The following PRR14L variants were observed in gnomAD, a reference collection of about 807,000 sequenced individuals.
The protein encoded by PRR14L is protein PRR14L.
Under a neutral mutation model 155.0 loss-of-function variants are expected in PRR14L, and 80 were observed. The ratio of observed to expected loss-of-function variants is 0.52; its 90% CI spans 0.43 to 0.62. The LOEUF is 0.62. Ranked by LOEUF, PRR14L falls within the 20% of genes least tolerant of loss-of-function variation. The pLI, the probability that PRR14L is intolerant of heterozygous loss-of-function variation, is 0.00. For synonymous variants in PRR14L, 883 were observed against 916.0 expected, an observed-to-expected ratio of 0.96 and a Z score of 0.65; for missense variants, 2,469 against 2,548.0, an observed-to-expected ratio of 0.97 and a Z score of 0.67.
chr22:31,726,447 A>G (rs2147870205), intron 2 of PRR14L, among the ~76,000 whole-genome samples: 1 of 152,032 alleles, frequency 6.6e-6, no homozygotes, highest in South Asian at 2.1e-4. Context: ...TTGTATTTTT[A>G]GTAGAGACAG....
chr22:31,693,038 C>A (rs1165593044), intron 7 of PRR14L, among the ~76,000 whole-genome samples: 1 of 152,164 alleles, frequency 6.6e-6, no homozygotes, highest in African/African-American at 2.4e-5. Context: ...CCTACCCTCA[C>A]ACATGGACAG....
At position 31,733,299 on chromosome 22, in the gene PRR14L, T is replaced by G. The variant is rs898547866; in HGVS notation, c.474+5088A>C. ...TGTGAGCCACCGCGCCTGGCCACTG[T>G]TTTTTTTTTTTTTTTTTTTTTTTGA... On this transcript the variant is annotated intron_variant, in intron 2 of 8. Coordinates refer to ENST00000327423, the MANE Select transcript of PRR14L (RefSeq NM_173566.3). Among the ~76,000 whole-genome samples the G allele has an allele frequency of 6.7e-4, 8 of 12,016 alleles. No homozygotes were observed. The African/African-American group carries it at 6.8e-3, about 10-fold the overall frequency. 7.9% of individuals were successfully genotyped at this position (12,016 alleles called of 152,430 possible).
intron 1 of PRR14L, among the ~76,000 whole-genome samples, chr22:31,741,993 G>C (rs947616686): frequency 2.6e-5 from 4 of 152,250 alleles, no homozygotes; most frequent in South Asian, 4.1e-4. Context: ...TTATGTATGT[G>C]TAAGGTGGGG....
At chr22:31,706,614 G>A (rs1427895182) in intron 4 of PRR14L, among the ~76,000 whole-genome samples, 1 of 151,926 alleles carries the variant, frequency 6.6e-6, no homozygotes, top group Non-Finnish European at 1.5e-5. Flanking sequence ...AGTAGACACG[G>A]GGTTTCACCA....
intron 2 of PRR14L, among the ~76,000 whole-genome samples, chr22:31,734,229 C>A (rs1013244651): frequency 6.6e-6 from 1 of 152,180 alleles, no homozygotes; most frequent in Non-Finnish European, 1.5e-5. Flanking sequence ...CCTCAGCCTC[C>A]CAAAGTGCTG....
rs939243135 is a variant in PRR14L, at chr22:31,681,995, C to G, written c.*3532G>C. ...GAAAGCACCAACTGCATACTCCCCC[C>G]ACCCCAGGGAATGGGAGAAAAGTAT... On this transcript the variant is annotated 3_prime_UTR_variant, in exon 9 of 9. Transcript: ENST00000327423. 7 of 152,240 alleles carry G rather than the reference C, an allele frequency of 4.6e-5. No individual in the cohort carries two copies. The highest frequency in any genetic ancestry group is 1.9e-4 in the East Asian group (1 of 5,204). 9.4% of individuals were successfully genotyped at this position (152,240 alleles called of 1,614,324 possible).
At chr22:31,698,649 G>C (rs1265026830) in intron 7 of PRR14L, among the ~76,000 whole-genome samples, 1 of 151,964 alleles carries the variant, frequency 6.6e-6, no homozygotes, top group Non-Finnish European at 1.5e-5. Flanking sequence ...GGCTGGGCAC[G>C]GTGGGTCACG....
intron 1 of PRR14L, among the ~76,000 whole-genome samples, chr22:31,748,481 G>A (rs1196491560): frequency 6.6e-6 from 1 of 152,160 alleles, no homozygotes; most frequent in Non-Finnish European, 1.5e-5. Flanking sequence ...TACTGACAGA[G>A]GCTTCCTGTA....
chr22:31,713,723 G>A lies in PRR14L; in HGVS notation c.4116C>T (p.Ile1372=). 1.3e-6 allele frequency: 2 copies of A among 1,552,382 alleles called. No homozygotes were observed. The highest frequency in any genetic ancestry group is 8.7e-7 in the Non-Finnish European group (1 of 1,147,142). ...ETGDGDPVSN[I]SQTHFKCRGI... ...CCCGGCATTTAAAATGGGTCTGAGA[G>A]ATGTTGCTCACGGGATCGCCATCGC... is the stretch of plus-strand genomic sequence containing the variant. Residue 1372 remains isoleucine, a synonymous_variant, in exon 4 of 9, where the codon ATC becomes ATT. Transcript: ENST00000327423.
chr22:31,705,702 TA>T (rs1437166402), intron 4 of PRR14L, among the ~76,000 whole-genome samples: 1 of 151,672 alleles, frequency 6.6e-6, no homozygotes, highest in African/African-American at 2.4e-5. Context: ...AAGTTACACA[TA>T]AAACATAGCT....
chr22:31,718,235 C>A (rs944781056), intron 3 of PRR14L, among the ~76,000 whole-genome samples: 2 of 149,566 alleles, frequency 1.3e-5, no homozygotes, highest in Non-Finnish European at 3.0e-5. Context: ...GCCCGCCCAG[C>A]TAATTTTTTG....
chr22:31,713,485 G>C lies in PRR14L; in HGVS notation c.4354C>G (p.Leu1452Val). 1 of 1,552,012 alleles carries C rather than the reference G, an allele frequency of 6.4e-7. No individual in the cohort carries two copies. Among genetic ancestry groups the C allele is most frequent in the Non-Finnish European group, 8.7e-7 (1 of 1,147,074 alleles). The change falls in exon 4 of 9, where the codon CTG (leucine) becomes GTG (valine). Residue 1452 changes from leucine to valine, a missense_variant. Leu to Val is a conservative substitution (Grantham distance 32). Coordinates refer to ENST00000327423, the MANE Select transcript of PRR14L (RefSeq NM_173566.3). ...TGTGCCACAATGCTGTCCTTGGCCAGCTTTGCTAGGGTGATTTCATTGATC... is the reference window on the plus strand; with the variant it reads ...TGTGCCACAATGCTGTCCTTGGCCACCTTTGCTAGGGTGATTTCATTGATC... The part of the protein sequence containing the change: ...TMINEITLAK[L>V]AKDSIVAQTQ...
chr22:31,713,971 C>T lies in PRR14L; in HGVS notation c.3868G>A (p.Asp1290Asn), dbSNP rs1337832944. 1 of 1,551,718 alleles carries T rather than the reference C, an allele frequency of 6.4e-7. No individual in the cohort carries two copies. Among genetic ancestry groups the T allele is most frequent in the East Asian group, 2.4e-5 (1 of 40,930 alleles). ...TCTCTGTCACTAGAATTACTCCAAT[C>T]TCTTGATACTATTTCCTTCATCTCA... ...LPEMKEIVSRDWSNSSDRDSV... is the reference protein window; with the variant it reads ...LPEMKEIVSRNWSNSSDRDSV... Residue 1290 changes from aspartate to asparagine, a missense_variant, in exon 4 of 9, where the codon GAT (aspartate) becomes AAT (asparagine). Asp to Asn is a conservative substitution (Grantham distance 23, BLOSUM62 1). Transcript: ENST00000327423.
intron 1 of PRR14L, 131 bp from the exon 2 acceptor site, chr22:31,739,042 A>T: frequency 1.9e-6 from 1 of 529,428 alleles, no homozygotes; most frequent in Non-Finnish European, 3.3e-6. Flanking sequence ...TGGCACCAAA[A>T]ATTTCTCCTT....
chr22:31,692,933 C>A (rs1367923888), intron 7 of PRR14L, among the ~76,000 whole-genome samples: 3 of 152,264 alleles, frequency 2.0e-5, no homozygotes, highest in South Asian at 2.1e-4. Flanking sequence ...AGCCACCATG[C>A]CTGGTCATCT....
Position 31,745,859 on chromosome 22 carries a change from A to ATAT in PRR14L, c.-52+4133_-52+4134insATA, listed in dbSNP as rs1414277985. On this transcript the variant is annotated intron_variant, in intron 1 of 8. Coordinates refer to ENST00000327423, the MANE Select transcript of PRR14L (RefSeq NM_173566.3). ...GACTCAGTTTAAAAAAAAAAAAAAA[A>ATAT]AAATATATATATATATATAAGCCAA... is the stretch of plus-strand genomic sequence containing the variant. 2.7e-3 allele frequency among the ~76,000 whole-genome samples: 377 copies of ATAT among 139,458 alleles called. 3 individuals are homozygous for ATAT. The highest frequency in any genetic ancestry group is 9.8e-3 in the African/African-American group (360 of 36,664). 91.5% of individuals were successfully genotyped at this position (139,458 alleles called of 152,430 possible). A position where few individuals can be genotyped will look rare whatever the true frequency, so the allele number is the denominator to read the frequency against.
At chr22:31,745,447 T>C (rs543070502) in intron 1 of PRR14L, among the ~76,000 whole-genome samples, 1 of 152,316 alleles carries the variant, frequency 6.6e-6, no homozygotes, top group South Asian at 2.1e-4. Flanking sequence ...TATCAAAATA[T>C]TGGTAATGCC....
In PRR14L at chr22:31,712,815, G is replaced by T. The variant is rs750572033; in HGVS notation, c.5024C>A (p.Ala1675Glu). ...AGGCCTCTTATCCCATCCACTAGCT[G>T]CCAAATATGGATTCAGCTGCTCTGT... ...SSTEQLNPYL[A>E]ASGWDKRPNS... The change falls in exon 4 of 9, where the codon GCA becomes GAA. Residue 1675 changes from alanine (A) to glutamate (E), a missense_variant. Physicochemically the swap from Ala to Glu is moderately radical, Grantham distance 107. This residue lies in a region of PRR14L where 2,363 missense variants were observed against 2,371.6 expected (regional missense o/e 1.00). Coordinates refer to ENST00000327423, the MANE Select transcript of PRR14L (RefSeq NM_173566.3). 5.9e-5 allele frequency: 92 copies of T among 1,552,044 alleles called. No homozygotes were observed. In the Middle Eastern group the frequency reaches 6.6e-4, roughly 11 times the overall value.
intron 1 of PRR14L, among the ~76,000 whole-genome samples, chr22:31,745,673 C>T (rs931138244): frequency 7.3e-5 from 11 of 151,446 alleles, no homozygotes; most frequent in Non-Finnish European, 1.6e-4. Flanking sequence ...TGGTGAAACC[C>T]TATCTCTACT....
Sources: gnomAD v4.1 joint callset for allele counts (sites outside exome capture counted in the v4.1 genomes callset) on GRCh38, gnomAD v4.1.1 for gene constraint, gnomAD v4.1.1 regional missense constraint, MANE v1.5 for transcripts, NCBI Gene and HGNC (gene_info 2026-07-23, HGNC 2026-07-21) for gene names.